Variants in ZNF362 observed in about 807,000 individuals in gnomAD.
ZNF362 encodes the protein zinc finger protein 362.
ZNF362 carries 11 observed loss-of-function variants against 42.9 expected under a neutral mutation model. The observed-to-expected ratio is 0.26, with a 90% CI of 0.16 to 0.42. The LOEUF (loss-of-function observed/expected upper bound fraction) is 0.42. ZNF362 is among the 20% of genes least tolerant of loss of function. ZNF362 has a pLI of 1.00. For missense variants in ZNF362, 362 were observed against 576.2 expected, an observed-to-expected ratio of 0.63 and a Z score of 3.81; for synonymous variants, 255 against 257.3, an observed-to-expected ratio of 0.99 and a Z score of 0.09.
At chr1:33,168,327 G>A in the ZNF362 span, among the ~76,000 whole-genome samples, 23 of 152,302 alleles carry the variant, frequency 1.5e-4, no homozygotes, top group African/African-American at 5.5e-4. Context: ...GATGACTGTG[G>A]GGCTGCCACA....
intron 4 of ZNF362, among the ~76,000 whole-genome samples, chr1:33,276,805 C>G (rs556733896): frequency 6.6e-6 from 1 of 152,348 alleles, no homozygotes; most frequent in East Asian, 1.9e-4. Flanking sequence ...GGACCCTTCT[C>G]CCCCCAGTGG....
At chr1:33,243,328 C>T in the ZNF362 span, among the ~76,000 whole-genome samples, 19 of 151,794 alleles carry the variant, frequency 1.3e-4, no homozygotes, top group Non-Finnish European at 2.1e-4. Flanking sequence ...GTGCACCCGC[C>T]GCACCACCCG....
In ZNF362 at chr1:33,299,113, G is replaced by A; in HGVS notation, c.*67G>A. The A allele has an allele frequency of 1.6e-6, 2 of 1,280,352 alleles. No individual in the cohort carries two copies. Among genetic ancestry groups the A allele is most frequent in the Admixed American group, 1.7e-5 (1 of 58,538 alleles). The allele number at this position is 1,280,352 out of a possible 1,614,324, so 79.3% of individuals were successfully genotyped here. A position where few individuals can be genotyped will look rare whatever the true frequency, so the allele number is the denominator to read the frequency against. On this transcript the variant is annotated 3_prime_UTR_variant, in exon 9 of 9. Transcript: ENST00000539719. ...CAGACCCAGGCAGCACCAGGCCCCA[G>A]CTCCCTCCGGGGGCCCTCCAGGAAC...
chr1:33,156,910 A>G, the ZNF362 span, among the ~76,000 whole-genome samples: 1 of 151,786 alleles, frequency 6.6e-6, no homozygotes, highest in Non-Finnish European at 1.5e-5. Flanking sequence ...CTTACAAAAT[A>G]TGTCCTAAAT....
chr1:33,187,148 T>C, the ZNF362 span, among the ~76,000 whole-genome samples: 1 of 152,198 alleles, frequency 6.6e-6, no homozygotes, highest in African/African-American at 2.4e-5. Context: ...GGGGTATTTA[T>C]ACACCATGTT....
the ZNF362 span, among the ~76,000 whole-genome samples, chr1:33,212,668 A>G: frequency 6.6e-6 from 1 of 152,236 alleles, no homozygotes; most frequent in South Asian, 2.1e-4. Flanking sequence ...GGTGGGGTGC[A>G]GTGGGGAGGT....
At chr1:33,231,445 C>A in the ZNF362 span, among the ~76,000 whole-genome samples, 1 of 152,182 alleles carries the variant, frequency 6.6e-6, no homozygotes, top group East Asian at 1.9e-4. Flanking sequence ...AGACGTCAAA[C>A]AAATTATCAT....
the ZNF362 span, chr1:33,181,170 C>T: frequency 6.3e-7 from 1 of 1,596,974 alleles, no homozygotes; most frequent in Non-Finnish European, 8.5e-7. The surrounding 1 kb of genome is among the most constrained non-coding windows in gnomAD (Gnocchi z 6.5). Flanking sequence ...TCGCGCGGCG[C>T]GGCGCGCGTT....
the ZNF362 span, among the ~76,000 whole-genome samples, chr1:33,240,181 C>G: frequency 6.6e-6 from 1 of 152,162 alleles, no homozygotes. Flanking sequence ...GGGACTTCAT[C>G]AAGTGATCAA....
At chr1:33,206,308 T>C in the ZNF362 span, among the ~76,000 whole-genome samples, 26 of 152,088 alleles carry the variant, frequency 1.7e-4, no homozygotes, top group East Asian at 1.2e-3. Context: ...ACATATAAGA[T>C]AATTTTATGG....
the ZNF362 span, chr1:33,162,968 A>G: frequency 5.3e-5 from 8 of 152,150 alleles, no homozygotes; most frequent in Non-Finnish European, 1.2e-4. Flanking sequence ...CTCACTGATA[A>G]GATTGAGATA....
At chr1:33,215,586 T>C in the ZNF362 span, among the ~76,000 whole-genome samples, 1 of 152,192 alleles carries the variant, frequency 6.6e-6, no homozygotes, top group Non-Finnish European at 1.5e-5. Context: ...GATGTGATTA[T>C]TACACATTGA....
intron 2 of ZNF362, among the ~76,000 whole-genome samples, chr1:33,272,420 T>TAGATGGGCCAGCTGCC (rs550740337): frequency 0.013 from 2,040 of 152,206 alleles, 44 homozygotes; most frequent in African/African-American, 0.046. Context: ...GACAGATTGA[T>TAGATGGGCCAGCTGCC]AGATGGGCCA....
chr1:33,187,332 T>C, the ZNF362 span, among the ~76,000 whole-genome samples: 2 of 152,338 alleles, frequency 1.3e-5, no homozygotes, highest in South Asian at 4.1e-4. Context: ...TGGCAGGGCA[T>C]TGACAGTATG....
At chr1:33,203,284 G>A in the ZNF362 span, among the ~76,000 whole-genome samples, 2 of 152,044 alleles carry the variant, frequency 1.3e-5, no homozygotes, top group Non-Finnish European at 2.9e-5. Context: ...GTTCATCCAT[G>A]TTGTGGTAAA....
chr1:33,210,857 G>A, the ZNF362 span, among the ~76,000 whole-genome samples: 10 of 152,052 alleles, frequency 6.6e-5, no homozygotes, highest in Non-Finnish European at 8.8e-5. Flanking sequence ...ACAGCACACC[G>A]ATGGGTCTTA....
chr1:33,223,295 C>T, the ZNF362 span, among the ~76,000 whole-genome samples: 1 of 152,086 alleles, frequency 6.6e-6, no homozygotes, highest in Non-Finnish European at 1.5e-5. Flanking sequence ...AGTTTCCCTG[C>T]ACAAGCTCTC....
chr1:33,277,244 A>C (rs187030021), intron 4 of ZNF362, among the ~76,000 whole-genome samples: 2 of 152,350 alleles, frequency 1.3e-5, no homozygotes, highest in East Asian at 3.9e-4. Flanking sequence ...CATGCAGTTC[A>C]CCTTAATGTC....
chr1:33,174,096 A>G, the ZNF362 span, among the ~76,000 whole-genome samples: 2 of 152,176 alleles, frequency 1.3e-5, no homozygotes, highest in African/African-American at 4.8e-5. Flanking sequence ...GGTAGTAAAT[A>G]CATTTATATT....
Sources: allele counts gnomAD v4.1 joint callset (sites outside exome capture counted in the v4.1 genomes callset), GRCh38; gene constraint gnomAD v4.1.1; non-coding constraint Gnocchi (gnomAD v3.1); transcripts MANE v1.5; gene names NCBI Gene and HGNC (gene_info 2026-07-23, HGNC 2026-07-21).